The following APC variants were observed in gnomAD, a reference collection of about 807,000 sequenced individuals.
APC encodes the protein APC regulator of Wnt signaling pathway.
APC carries 72 observed loss-of-function variants against 247.0 expected under a neutral mutation model. The ratio of observed to expected loss-of-function variants is 0.29; its 90% CI spans 0.24 to 0.35. The LOEUF is 0.35. APC is among the 10% of genes least tolerant of loss of function. APC has a pLI of 1.00. For synonymous variants in APC, 1,254 were observed against 1,162.5 expected, an observed-to-expected ratio of 1.08 and a Z score of -1.60; for missense variants, 3,400 against 3,360.7, an observed-to-expected ratio of 1.01 and a Z score of -0.29.
Position 112,754,869 on chromosome 5 carries a change from A to AT in APC, c.-18-3dup, listed in dbSNP as rs1414740147. 8 of 1,613,134 alleles carry AT rather than the reference A, an allele frequency of 5.0e-6. No individual in the cohort carries two copies. Among genetic ancestry groups the AT allele is most frequent in the Admixed American group, 1.7e-5 (1 of 59,982 alleles). On this transcript the variant is annotated splice_polypyrimidine_tract_variant and splice_region_variant and intron_variant, in intron 1 of 15. Coordinates refer to ENST00000257430, the MANE Select transcript of APC (RefSeq NM_000038.6). ...GAATTTCAAAATCCTTTTTAACCTT[A>AT]TAGGTCCAAGGGTAGCCAAGGATGG...
intron 4 of APC, among the ~76,000 whole-genome samples, chr5:112,774,869 T>C (rs1285011364): frequency 1.3e-5 from 2 of 152,236 alleles, no homozygotes; most frequent in African/African-American, 4.8e-5. Context: ...CATATAAGTA[T>C]GCACATATGT....
At chr5:112,826,226 A>G (rs1038619226) in intron 11 of APC, among the ~76,000 whole-genome samples, 1 of 152,180 alleles carries the variant, frequency 6.6e-6, no homozygotes, top group Non-Finnish European at 1.5e-5. Context: ...TTGCCTGTTT[A>G]TATTCATCTT....
chr5:112,809,932 G>A (rs1014743230), intron 8 of APC, among the ~76,000 whole-genome samples: 3 of 152,128 alleles, frequency 2.0e-5, no homozygotes, highest in Admixed American at 2.0e-4. Context: ...AGGAGGGAGA[G>A]GTTGCAGTGA....
Position 112,840,084 on chromosome 5 carries a change from C to T in APC, c.4490C>T (p.Pro1497Leu), listed in dbSNP as rs1114167610. Residue 1497 changes from proline (P) to leucine (L), a missense_variant, in exon 16 of 16, where the codon CCA (proline) becomes CTA (leucine). Coordinates refer to ENST00000257430, the MANE Select transcript of APC (RefSeq NM_000038.6). This position sits in a 1 kb window ranked among gnomAD's most constrained non-coding sequence, Gnocchi z 4.1. ...TTACATTTTGCCACGGAAAGTACTCCAGATGGATTTTCTTGTTCATCCAGC... is the reference window on the plus strand; with the variant it reads ...TTACATTTTGCCACGGAAAGTACTCTAGATGGATTTTCTTGTTCATCCAGC... Reference protein sequence around the residue: ...TLLHFATESTPDGFSCSSSLS... With the variant: ...TLLHFATESTLDGFSCSSSLS... The T allele has an allele frequency of 6.2e-7, 1 of 1,614,014 alleles. No individual in the cohort carries two copies. Among genetic ancestry groups the T allele is most frequent in the Non-Finnish European group, 8.5e-7 (1 of 1,180,030 alleles).
At chr5:112,805,852 C>A (rs1047788234) in intron 8 of APC, among the ~76,000 whole-genome samples, 2 of 152,216 alleles carry the variant, frequency 1.3e-5, no homozygotes, top group Non-Finnish European at 2.9e-5. Context: ...TCTACCGCTT[C>A]TCTCACCTGG....
Position 112,835,041 on chromosome 5 carries a change from G to A in APC, c.1834G>A (p.Ala612Thr), listed in dbSNP as rs1038707565. 6.2e-7 allele frequency: 1 copy of A among 1,614,112 alleles called. No individual in the cohort carries two copies. Among genetic ancestry groups the A allele is most frequent in the Non-Finnish European group, 8.5e-7 (1 of 1,180,004 alleles). Residue 612 changes from alanine to threonine, a missense_variant, in exon 15 of 16, where the codon GCA (alanine) becomes ACA (threonine). Ala to Thr is a moderately conservative substitution (Grantham distance 58). Coordinates refer to ENST00000257430, the MANE Select transcript of APC (RefSeq NM_000038.6). ...NKADICAVDG[A>T]LAFLVGTLTY... ...AGCTGATATATGTGCTGTAGATGGT[G>A]CACTTGCATTTTTGGTTGGCACTCT...
intron 9 of APC, among the ~76,000 whole-genome samples, chr5:112,816,583 C>G (rs368803335): frequency 6.6e-6 from 1 of 151,960 alleles, no homozygotes; most frequent in Admixed American, 6.6e-5. Flanking sequence ...CACTTGAGGC[C>G]AGGAGTTCGA....
intron 1 of APC, among the ~76,000 whole-genome samples, chr5:112,726,077 A>G (rs940649407): frequency 1.3e-5 from 2 of 152,178 alleles, no homozygotes; most frequent in East Asian, 3.9e-4. Context: ...GGGCAGGTGC[A>G]GAAGCCGGGG....
chr5:112,784,242 A>G (rs1221484540), intron 6 of APC, among the ~76,000 whole-genome samples: 1 of 151,970 alleles, frequency 6.6e-6, no homozygotes, highest in Admixed American at 6.6e-5. Flanking sequence ...TAATTTTTGT[A>G]TTTTTAGTAG....
At position 112,841,590 on chromosome 5, in the gene APC, C is replaced by A. The variant is rs1554087137; in HGVS notation, c.5996C>A (p.Pro1999Gln). Residue 1999 changes from proline to glutamine, a missense_variant, in exon 16 of 16, where the codon CCA becomes CAA. Pro to Gln is a moderately conservative substitution (Grantham distance 76). Coordinates refer to ENST00000257430, the MANE Select transcript of APC (RefSeq NM_000038.6). This position sits in a 1 kb window ranked among gnomAD's most constrained non-coding sequence, Gnocchi z 4.6. ...GAGCCCCCTGACTCACAGGGAGAACCAAGTAAACCTCAAGCATCAGGCTAT... is the reference window on the plus strand; with the variant it reads ...GAGCCCCCTGACTCACAGGGAGAACAAAGTAAACCTCAAGCATCAGGCTAT... ...ETEPPDSQGE[P>Q]SKPQASGYAP... is the part of the protein sequence containing the mutation. 1.2e-6 allele frequency: 2 copies of A among 1,613,622 alleles called. No homozygotes were observed. The highest frequency in any genetic ancestry group is 1.7e-6 in the Non-Finnish European group (2 of 1,179,602).
intron 14 of APC, among the ~76,000 whole-genome samples, chr5:112,834,408 AT>A (rs1239759650): frequency 6.7e-6 from 1 of 149,822 alleles, no homozygotes; most frequent in East Asian, 2.0e-4. Flanking sequence ...AGCCCGGCTA[AT>A]TTTTTTTTGT....
At position 112,721,953 on chromosome 5, in the gene APC, C is replaced by A. The variant is rs577096557; in HGVS notation, c.165+14071C>A. On this transcript the variant is annotated intron_variant, in intron 1 of 13. Transcript: ENST00000507379. ...AATTTGTGTTGGGCTGCATTCAAAG[C>A]CATCCTGGGCCATGCAGCCCTGGGG... Among the ~76,000 whole-genome samples, 7 of 152,216 alleles carry A rather than the reference C, an allele frequency of 4.6e-5. No individual in the cohort carries two copies. The South Asian group carries it at 1.5e-3, about 32-fold the overall frequency.
At chr5:112,781,093 A>G (rs763819621) in intron 6 of APC, among the ~76,000 whole-genome samples, 190 bp downstream of exon 6, 6 of 152,186 alleles carry the variant, frequency 3.9e-5, no homozygotes, top group African/African-American at 7.2e-5. Flanking sequence ...TGTCTTTACC[A>G]TATTCATTTC....
chr5:112,825,581 A>G (rs1344417953), intron 11 of APC, among the ~76,000 whole-genome samples: 1 of 152,050 alleles, frequency 6.6e-6, no homozygotes, highest in Admixed American at 6.6e-5. Flanking sequence ...GCCAGACCTG[A>G]TGGCTCATGC....
At chr5:112,774,042 T>A (rs1240044104) in intron 4 of APC, among the ~76,000 whole-genome samples, 3 of 152,182 alleles carry the variant, frequency 2.0e-5, no homozygotes, top group African/African-American at 7.2e-5. Context: ...TAGGAATTTC[T>A]TTTATATAAA....
rs1479384181 is a variant in APC, at chr5:112,835,047, G to C, written c.1840G>C (p.Ala614Pro). ...ADICAVDGALAFLVGTLTYRS... is the reference protein window; with the variant it reads ...ADICAVDGALPFLVGTLTYRS... ...TATATGTGCTGTAGATGGTGCACTTGCATTTTTGGTTGGCACTCTTACTTA... is the reference window on the plus strand; with the variant it reads ...TATATGTGCTGTAGATGGTGCACTTCCATTTTTGGTTGGCACTCTTACTTA... The change falls in exon 15 of 16, where the codon GCA (alanine) becomes CCA (proline). Residue 614 changes from alanine (A) to proline (P), a missense_variant. Coordinates refer to ENST00000257430, the MANE Select transcript of APC (RefSeq NM_000038.6). The C allele has an allele frequency of 6.2e-7, 1 of 1,614,102 alleles. No homozygotes were observed. The highest frequency in any genetic ancestry group is 1.1e-5 in the South Asian group (1 of 91,076).
At chr5:112,724,757 G>A (rs866226186) in intron 1 of APC, among the ~76,000 whole-genome samples, 1 of 152,140 alleles carries the variant, frequency 6.6e-6, no homozygotes, top group African/African-American at 2.4e-5. Context: ...ATGGTATAGT[G>A]ATTTGGTGGT....
chr5:112,842,670 C>T lies in APC; in HGVS notation c.7076C>T (p.Ser2359Leu), dbSNP rs1411349043. 6.2e-7 allele frequency: 1 copy of T among 1,613,706 alleles called. No individual in the cohort carries two copies. The highest frequency in any genetic ancestry group is 1.7e-5 in the Admixed American group (1 of 60,022). Residue 2359 changes from serine (S) to leucine (L), a missense_variant, in exon 16 of 16, where the codon TCA becomes TTA. By Grantham distance (145) the Ser-to-Leu change is moderately radical. This residue lies in a region of APC where 1,788 missense variants were observed against 1,649.5 expected (regional missense o/e 1.08). Coordinates refer to ENST00000257430, the MANE Select transcript of APC (RefSeq NM_000038.6). Reference protein sequence around the residue: ...SSPSTASTKSSGSGKMSYTSP... With the variant: ...SSPSTASTKSLGSGKMSYTSP... ...CCTAGTACTGCTTCAACTAAGTCCT[C>T]AGGTTCTGGAAAAATGTCATATACA...
At chr5:112,777,707 A>T in intron 5 of APC, 1 of 225,662 alleles carries the variant, frequency 4.4e-6, no homozygotes, top group Admixed American at 4.5e-5. Flanking sequence ...TTACATTTTG[A>T]GGACCCTTCA....
Sources: allele counts gnomAD v4.1 joint callset (sites outside exome capture counted in the v4.1 genomes callset), GRCh38; gene constraint gnomAD v4.1.1; regional missense constraint gnomAD v4.1.1; non-coding constraint Gnocchi (gnomAD v3.1); transcripts MANE v1.5; gene names NCBI Gene and HGNC (gene_info 2026-07-23, HGNC 2026-07-21).